The following PRDM16 variants were observed in gnomAD, a reference collection of about 807,000 sequenced individuals.
The protein encoded by PRDM16 is PR/SET domain 16.
Under a neutral mutation model 110.6 loss-of-function variants are expected in PRDM16, and 23 were observed. The observed-to-expected ratio is 0.21, with a 90% CI of 0.15 to 0.29. The LOEUF (loss-of-function observed/expected upper bound fraction) is 0.29, where lower values mean the gene tolerates loss of function less well. PRDM16 is among the 10% of genes least tolerant of loss of function. The pLI is 1.00. For missense variants in PRDM16, 1,615 were observed against 1,794.3 expected (o/e 0.90, Z 1.81); for synonymous variants, 799 against 781.8 (o/e 1.02, Z -0.37).
At chr1:3,431,910 C>A in intron 15 of PRDM16, 56 bp from the exon 16 acceptor site, 2 of 1,565,304 alleles carry the variant, frequency 1.3e-6, no homozygotes, top group Admixed American at 1.7e-5. Context: ...ATCAGAGAGG[C>A]GGCCAAGGCC....
chr1:3,236,673 A>C (rs11807062), intron 2 of PRDM16, among the ~76,000 whole-genome samples: 45,959 of 152,070 alleles, frequency 0.3, 10,108 homozygotes, highest in African/African-American at 0.6. Context: ...TGCACCACCT[A>C]CTCAGGGTCC....
intron 2 of PRDM16, among the ~76,000 whole-genome samples, chr1:3,218,491 C>T (rs77699717): frequency 0.033 from 5,010 of 152,320 alleles, 163 homozygotes; most frequent in African/African-American, 0.083. Flanking sequence ...GGCACACATA[C>T]GCACACGTGC....
At chr1:3,386,620 A>C (rs1349348304) in intron 4 of PRDM16, 1 of 152,246 alleles carries the variant, frequency 6.6e-6, no homozygotes, top group Non-Finnish European at 1.5e-5. Flanking sequence ...GATGAAGCAA[A>C]AGAATAATCA....
At chr1:3,371,834 C>T (rs573969608) in intron 3 of PRDM16, among the ~76,000 whole-genome samples, 1 of 152,394 alleles carries the variant, frequency 6.6e-6, no homozygotes, top group African/African-American at 2.4e-5. Flanking sequence ...GGGCCAATTA[C>T]TTAACTCTTC....
At chr1:3,279,653 C>T (rs182192179) in intron 3 of PRDM16, among the ~76,000 whole-genome samples, 17 of 152,362 alleles carry the variant, frequency 1.1e-4, no homozygotes, top group African/African-American at 1.7e-4. Flanking sequence ...GACGGGCAGC[C>T]GTCAGGGAGA....
rs555142591 is a variant in PRDM16 at position 3,088,940 on chromosome 1, G to A, written c.37+19644G>A. ...TGGGGTTACAGGCACATGCCACCGC[G>A]CCCAGCTAATTTTTGTATTTTTAGT... On this transcript the variant is annotated intron_variant, in intron 1 of 16. Transcript: ENST00000270722. 2.1e-4 allele frequency among the ~76,000 whole-genome samples: 32 copies of A among 152,040 alleles called. No individual in the cohort carries two copies. In the South Asian group the frequency reaches 5.8e-3, roughly 28 times the overall value.
rs2100914640 is a variant in PRDM16 at position 3,244,720 on chromosome 1, AAC to A, written c.438+589_438+590del. ...CCAGAGGGAGAACCATGTGCAGAGA[AAC>A]ACACAGGCCCTGGGGAGGCACACAC... On this transcript the variant is annotated intron_variant, in intron 3 of 16. Coordinates refer to ENST00000270722, the MANE Select transcript of PRDM16 (RefSeq NM_022114.4). The surrounding 1 kb of genome is among the most constrained non-coding windows in gnomAD (Gnocchi z 4.1). 6.6e-6 allele frequency among the ~76,000 whole-genome samples: 1 copy of A among 152,264 alleles called. No individual in the cohort carries two copies. Among genetic ancestry groups the A allele is most frequent in the Non-Finnish European group, 1.5e-5 (1 of 68,018 alleles).
At chr1:3,258,785 G>C (rs1640101616) in intron 3 of PRDM16, among the ~76,000 whole-genome samples, 1 of 152,244 alleles carries the variant, frequency 6.6e-6, no homozygotes, top group Non-Finnish European at 1.5e-5. Flanking sequence ...GGTTAGAGGG[G>C]AAGGGGTGAG....
In PRDM16 at chr1:3,438,171, T is replaced by C. The variant is rs934931033; in HGVS notation, c.*4360T>C. 1.9e-5 allele frequency: 4 copies of C among 205,164 alleles called. No homozygotes were observed. Among genetic ancestry groups the C allele is most frequent in the Non-Finnish European group, 4.0e-5 (4 of 100,360 alleles). 12.7% of individuals were successfully genotyped at this position (205,164 alleles called of 1,614,324 possible). The stretch of plus-strand genomic sequence containing the variant: ...CCCCATGTCCCCCTTGATTGTAAAT[T>C]GCTTCTGTTCTGTTTATAAGTAAAC... On this transcript the variant is annotated 3_prime_UTR_variant, in exon 17 of 17. Coordinates refer to ENST00000270722, the MANE Select transcript of PRDM16 (RefSeq NM_022114.4).
At chr1:3,140,767 C>T (rs1459510544) in intron 1 of PRDM16, among the ~76,000 whole-genome samples, 1 of 152,210 alleles carries the variant, frequency 6.6e-6, no homozygotes, top group Non-Finnish European at 1.5e-5. Flanking sequence ...GCATCCCAGA[C>T]CCCCACAGCC....
intron 1 of PRDM16, among the ~76,000 whole-genome samples, chr1:3,119,739 C>T (rs1643047941): frequency 6.6e-6 from 1 of 152,230 alleles, no homozygotes; most frequent in Non-Finnish European, 1.5e-5. Flanking sequence ...ATTTTTATGA[C>T]TGATCCTTTT....
chr1:3,433,616 G>A (rs986019284), intron 16 of PRDM16, 61 bp from the exon 17 acceptor site: 2 of 1,540,264 alleles, frequency 1.3e-6, no homozygotes, highest in African/African-American at 1.4e-5. Flanking sequence ...GTCTGGGATG[G>A]CCCGCCCTGC....
In PRDM16 at chr1:3,245,176, G is replaced by A. The variant is rs1288877049; in HGVS notation, c.438+1039G>A. Among the ~76,000 whole-genome samples the A allele has an allele frequency of 2.0e-5, 3 of 152,194 alleles. No homozygotes were observed. Among genetic ancestry groups the A allele is most frequent in the South Asian group, 2.1e-4 (1 of 4,832 alleles). ...TCTGTCAGAATTACAACTGGATTCCGTGACGCAGCATATGGGCTTGAGGGG... is the reference window on the plus strand; with the variant it reads ...TCTGTCAGAATTACAACTGGATTCCATGACGCAGCATATGGGCTTGAGGGG... On this transcript the variant is annotated intron_variant, in intron 3 of 16. Coordinates refer to ENST00000270722, the MANE Select transcript of PRDM16 (RefSeq NM_022114.4). The surrounding 1 kb of genome is among the most constrained non-coding windows in gnomAD (Gnocchi z 4.7).
chr1:3,322,204 CGTGT>C (rs376276591), intron 3 of PRDM16, among the ~76,000 whole-genome samples: 3,093 of 148,422 alleles, frequency 0.021, 98 homozygotes, highest in African/African-American at 0.073. Flanking sequence ...TGGGTGTGCA[CGTGT>C]GTGTGTGAGC....
chr1:3,425,813 A>G lies in PRDM16; in HGVS notation c.3109+63A>G, dbSNP rs1007736284. 2.8e-5 allele frequency: 44 copies of G among 1,584,394 alleles called. No homozygotes were observed. Among genetic ancestry groups the G allele is most frequent in the Non-Finnish European group, 3.6e-5 (42 of 1,159,178 alleles). On this transcript the variant is annotated intron_variant, in intron 13 of 16. Coordinates refer to ENST00000270722, the MANE Select transcript of PRDM16 (RefSeq NM_022114.4). The surrounding 1 kb of genome is among the most constrained non-coding windows in gnomAD (Gnocchi z 6.9). ...ACACGGGCAGGCCCCACAGAGGGGG[A>G]GGGGGAACAGCAGGGGAGTGGGCGC... is the stretch of plus-strand genomic sequence containing the variant.
chr1:3,316,034 G>A (rs551711590), intron 3 of PRDM16, among the ~76,000 whole-genome samples: 2 of 152,230 alleles, frequency 1.3e-5, no homozygotes, highest in South Asian at 4.2e-4. Flanking sequence ...CAGTTGGACA[G>A]GGGCTGGGCC....
At chr1:3,324,474 C>T (rs541478870) in intron 3 of PRDM16, among the ~76,000 whole-genome samples, 2 of 152,322 alleles carry the variant, frequency 1.3e-5, no homozygotes, top group South Asian at 4.1e-4. Context: ...CCTGGCAGCT[C>T]ACTCGCTCAT....
intron 6 of PRDM16, 151 bp from the exon 7 acceptor site, chr1:3,404,588 G>T: frequency 1.1e-6 from 1 of 928,640 alleles, no homozygotes; most frequent in Non-Finnish European, 1.6e-6. Flanking sequence ...CAGAGAGGAG[G>T]TGGGCAGGGA....
In PRDM16 at chr1:3,181,783, GTCTTACACATGCA is replaced by G. The variant is rs1460761890; in HGVS notation, c.38-4341_38-4329del. On this transcript the variant is annotated intron_variant, in intron 1 of 16. Coordinates refer to ENST00000270722, the MANE Select transcript of PRDM16 (RefSeq NM_022114.4). Reference sequence around the variant, plus strand: ...TCTTACACACAGTCTTACACATGCAGTCTTACACATGCAGTCTTACACACGGTCTTACACATGC... The same window carrying G: ...TCTTACACACAGTCTTACACATGCAGGTCTTACACACGGTCTTACACATGC... Among the ~76,000 whole-genome samples, 430 of 139,522 alleles carry G rather than the reference GTCTTACACATGCA, an allele frequency of 3.1e-3. 6 individuals carry two copies. Among genetic ancestry groups the G allele is most frequent in the African/African-American group, 1.3e-3 (45 of 35,002 alleles). 91.5% of individuals were successfully genotyped at this position (139,522 alleles called of 152,430 possible).
Sources: gnomAD v4.1 joint callset for allele counts (sites outside exome capture counted in the v4.1 genomes callset) on GRCh38, gnomAD v4.1.1 for gene constraint, Gnocchi (gnomAD v3.1) non-coding constraint, MANE v1.5 for transcripts, NCBI Gene and HGNC (gene_info 2026-07-23, HGNC 2026-07-21) for gene names.